ADAMTS17: variants seen among roughly 807,000 people sequenced by gnomAD.
ADAMTS17 encodes the protein ADAM metallopeptidase with thrombospondin type 1 motif 17, also known as A disintegrin and metalloproteinase with thrombospondin motifs 17.
ADAMTS17 carries 113 observed loss-of-function variants against 141.5 expected under a neutral mutation model. The observed-to-expected ratio is 0.80, with a 90% CI of 0.69 to 0.93. ADAMTS17 has a LOEUF of 0.93. Among genes scored for constraint, ADAMTS17 ranks in the 40% least tolerant of loss-of-function variants. The pLI is 0.00. For synonymous variants in ADAMTS17, 768 were observed against 630.6 expected (o/e 1.22, Z -3.27); for missense variants, 1,659 against 1,517.9 (o/e 1.09, Z -1.54).
intron 7 of ADAMTS17, among the ~76,000 whole-genome samples, chr15:100,244,985 G>A (rs558010494): frequency 1.3e-5 from 2 of 152,282 alleles, no homozygotes; most frequent in African/African-American, 2.4e-5. Flanking sequence ...TAAAGGGTCA[G>A]GCTGACTCCG....
intron 10 of ADAMTS17, among the ~76,000 whole-genome samples, chr15:100,139,866 G>A (rs2038534842): frequency 6.6e-6 from 1 of 152,086 alleles, no homozygotes; most frequent in African/African-American, 2.4e-5. Flanking sequence ...ATAGGATCCT[G>A]GTATACAGAA....
At chr15:100,243,795 AAAAAAAAAG>A (rs2141909886) in intron 7 of ADAMTS17, among the ~76,000 whole-genome samples, 1 of 87,160 alleles carries the variant, frequency 1.1e-5, no homozygotes, top group East Asian at 4.1e-4. Context: ...ATCTTAAAAA[AAAAAAAAAG>A]AAAGAAAAGA....
intron 18 of ADAMTS17, among the ~76,000 whole-genome samples, chr15:100,002,655 T>C (rs2060953429): frequency 6.6e-6 from 1 of 152,074 alleles, no homozygotes; most frequent in Admixed American, 6.5e-5. Flanking sequence ...GTTTTGTAGA[T>C]TTAAGAGGCT....
At chr15:100,324,904 T>A (rs1467191407) in intron 3 of ADAMTS17, among the ~76,000 whole-genome samples, 2 of 152,146 alleles carry the variant, frequency 1.3e-5, no homozygotes, top group Non-Finnish European at 1.5e-5. Context: ...ACAAGGAAAC[T>A]GAAGCTCAGA....
chr15:100,124,992 G>C (rs2037656777), intron 12 of ADAMTS17, among the ~76,000 whole-genome samples: 1 of 152,200 alleles, frequency 6.6e-6, no homozygotes, highest in Non-Finnish European at 1.5e-5. Flanking sequence ...GGCTGGAAGA[G>C]AAAGATGCCA....
intron 6 of ADAMTS17, among the ~76,000 whole-genome samples, chr15:100,260,110 GC>G (rs2141989354): frequency 6.6e-6 from 1 of 152,232 alleles, no homozygotes; most frequent in African/African-American, 2.4e-5. Context: ...CTCCCAAAGT[GC>G]TGGGATTACA....
At chr15:100,141,736 T>A (rs2038664020) in intron 10 of ADAMTS17, among the ~76,000 whole-genome samples, 1 of 152,316 alleles carries the variant, frequency 6.6e-6, no homozygotes, top group Admixed American at 6.5e-5. Flanking sequence ...AACTCACAAC[T>A]GGCATGGTGT....
intron 15 of ADAMTS17, among the ~76,000 whole-genome samples, chr15:100,077,792 G>A (rs2034480221): frequency 6.6e-6 from 1 of 152,098 alleles, no homozygotes; most frequent in Non-Finnish European, 1.5e-5. Context: ...GAAATATAAA[G>A]CATACAGATT....
chr15:100,179,760 C>T (rs1283937241), intron 8 of ADAMTS17, among the ~76,000 whole-genome samples: 1 of 152,136 alleles, frequency 6.6e-6, no homozygotes, highest in African/African-American at 2.4e-5. Context: ...GATGATATCT[C>T]ATGGTAGTTT....
chr15:100,318,018 G>T (rs1360634573), intron 3 of ADAMTS17, among the ~76,000 whole-genome samples: 5 of 152,102 alleles, frequency 3.3e-5, no homozygotes, highest in Non-Finnish European at 7.4e-5. Flanking sequence ...GGCCTGTCTT[G>T]AAAGTCCTGC....
intron 8 of ADAMTS17, among the ~76,000 whole-genome samples, chr15:100,172,284 AT>A (rs75818955): frequency 0.1 from 15,178 of 152,066 alleles, 1,395 homozygotes; most frequent in African/African-American, 0.23. Context: ...GGGCATGTGG[AT>A]TTTTTTAGAG....
chr15:100,046,328 G>A (rs967178348), intron 18 of ADAMTS17, among the ~76,000 whole-genome samples: 2 of 152,204 alleles, frequency 1.3e-5, no homozygotes, highest in African/African-American at 4.8e-5. Flanking sequence ...GAGTTCCACA[G>A]AGAAGCCAGG....
chr15:100,228,613 A>G (rs2042381498), intron 7 of ADAMTS17, among the ~76,000 whole-genome samples: 1 of 152,238 alleles, frequency 6.6e-6, no homozygotes, highest in African/African-American at 2.4e-5. Flanking sequence ...GACATGTGAG[A>G]GACCACGAGA....
chr15:100,312,877 G>C (rs1348402247), intron 3 of ADAMTS17, among the ~76,000 whole-genome samples: 1 of 152,120 alleles, frequency 6.6e-6, no homozygotes, highest in East Asian at 1.9e-4. Context: ...CCTCCATTAA[G>C]TAATAATACA....
At chr15:100,016,106 G>A (rs2061283781) in intron 18 of ADAMTS17, among the ~76,000 whole-genome samples, 1 of 152,188 alleles carries the variant, frequency 6.6e-6, no homozygotes, top group Non-Finnish European at 1.5e-5. Context: ...TCAAAGACCT[G>A]TCTTCGAGCT....
chr15:100,304,536 G>A (rs1381781466), intron 3 of ADAMTS17, among the ~76,000 whole-genome samples: 4 of 152,084 alleles, frequency 2.6e-5, no homozygotes, highest in Non-Finnish European at 5.9e-5. Context: ...CTCCTATTCT[G>A]TCTTGGGGGA....
intron 12 of ADAMTS17, chr15:100,128,698 G>T (rs1290515757): frequency 6.6e-6 from 1 of 152,220 alleles, no homozygotes; most frequent in African/African-American, 2.4e-5. Context: ...GGGGGAATGG[G>T]GTGAGAATCC....
chr15:100,286,414 C>T (rs1346577121), intron 3 of ADAMTS17, among the ~76,000 whole-genome samples: 1 of 152,154 alleles, frequency 6.6e-6, no homozygotes, highest in Non-Finnish European at 1.5e-5. Flanking sequence ...CTGTGGCCAG[C>T]ACCCCACATC....
At chr15:100,130,228 G>A (rs776552752) in intron 12 of ADAMTS17, among the ~76,000 whole-genome samples, 5 of 152,076 alleles carry the variant, frequency 3.3e-5, no homozygotes, top group Non-Finnish European at 5.9e-5. Flanking sequence ...GCTGGGAGTT[G>A]TGGTGCACTC....
Sources: gnomAD v4.1 joint callset for allele counts (sites outside exome capture counted in the v4.1 genomes callset) on GRCh38, gnomAD v4.1.1 for gene constraint, MANE v1.5 for transcripts, NCBI Gene and HGNC (gene_info 2026-07-23, HGNC 2026-07-21) for gene names.